The following STK26 variants were observed in gnomAD, a reference collection of about 807,000 sequenced individuals.
STK26 encodes serine/threonine-protein kinase 26.
In STK26, 14 loss-of-function variants were observed where a neutral mutation model predicts 34.7. The ratio of observed to expected loss-of-function variants is 0.40; its 90% confidence interval spans 0.27 to 0.63. The LOEUF is 0.63. STK26 is among the 30% of genes least tolerant of loss of function. STK26 has a pLI of 0.38. For synonymous variants in STK26, 100 were observed against 109.8 expected (o/e 0.91, Z 0.56); for missense variants, 226 against 309.1 (o/e 0.73, Z 2.02).
At chrX:132,042,525 C>T (rs1939359235) in intron 2 of STK26, among the ~76,000 whole-genome samples, 1 of 111,187 alleles carries the variant, frequency 9.0e-6, no homozygotes, top group South Asian at 3.8e-4. Flanking sequence ...CATACACACA[C>T]ACATACTTAC....
intron 2 of STK26, among the ~76,000 whole-genome samples, chrX:132,046,703 C>G (rs1926509078): frequency 9.0e-6 from 1 of 111,232 alleles, no homozygotes. Context: ...AGTGCTGTTG[C>G]CTCATTCGTC....
chrX:132,024,660 A>G (rs1003391710), intron 2 of STK26, among the ~76,000 whole-genome samples: 1 of 111,629 alleles, frequency 9.0e-6, no homozygotes. Context: ...TTGAAGTTCA[A>G]AAATAAAATG....
In STK26 at chrX:132,074,328, T is replaced by G; in HGVS notation, c.*169T>G. The G allele has an allele frequency of 2.4e-6, 1 of 423,843 alleles. No homozygotes were observed. 34.9% of individuals were successfully genotyped at this position (423,843 alleles called of 1,213,427 possible). On this transcript the variant is annotated 3_prime_UTR_variant, in exon 12 of 12. Transcript: ENST00000394334. ...TTTTGTGATGGCGTTTATCATTTTA[T>G]ATTTTGAAAGGATTATTTTGTAAGG... is the stretch of plus-strand genomic sequence containing the variant.
At chrX:132,050,297 T>C (rs1926641792) in intron 2 of STK26, among the ~76,000 whole-genome samples, 2 of 111,882 alleles carry the variant, frequency 1.8e-5, no homozygotes, top group African/African-American at 3.2e-5. Context: ...TAACCTATTA[T>C]AGGCCCTATC....
At chrX:132,062,397 A>G (rs1161523109) in intron 3 of STK26, among the ~76,000 whole-genome samples, 1 of 112,316 alleles carries the variant, frequency 8.9e-6, no homozygotes, top group African/African-American at 3.2e-5. Context: ...CTGTTTTAGA[A>G]TTTGTATACA....
chrX:132,026,732 T>TAAATGTTATG, intron 2 of STK26, among the ~76,000 whole-genome samples: 1 of 112,659 alleles, frequency 8.9e-6, no homozygotes, highest in African/African-American at 3.2e-5. Context: ...GTTAGAGTAC[T>TAAATGTTATG]AAATGTTATG....
At chrX:132,065,470 T>C (rs1324645760) in intron 4 of STK26, among the ~76,000 whole-genome samples, 1 of 111,899 alleles carries the variant, frequency 8.9e-6, no homozygotes, top group African/African-American at 3.2e-5. Context: ...CTGATAGCAA[T>C]GTTAAACAGT....
chrX:132,030,783 C>A (rs996950431), intron 2 of STK26, among the ~76,000 whole-genome samples: 1 of 110,968 alleles, frequency 9.0e-6, no homozygotes, highest in African/African-American at 3.3e-5. Context: ...AGAATTTCCA[C>A]CACAGGTACA....
intron 4 of STK26, 27 bp from the exon 5 acceptor site, chrX:132,068,188 A>ATG (rs778656011): frequency 3.7e-6 from 4 of 1,080,282 alleles, no homozygotes; most frequent in East Asian, 6.0e-5. Flanking sequence ...ACATATGTGT[A>ATG]TGTGTGTGTG....
chrX:132,063,541 T>C (rs1263068005), intron 4 of STK26, 52 bp downstream of exon 4: 1 of 1,073,113 alleles, frequency 9.3e-7, no homozygotes, highest in Admixed American at 2.5e-5. Flanking sequence ...CATATGCACA[T>C]ACCTTAATTT....
At chrX:132,052,803 C>G (rs921488005) in intron 2 of STK26, among the ~76,000 whole-genome samples, 15 of 112,097 alleles carry the variant, frequency 1.3e-4, no homozygotes, top group African/African-American at 4.5e-4. Flanking sequence ...TATGTATCTT[C>G]AAATAAATGA....
chrX:132,071,006 C>T, intron 7 of STK26, 63 bp from the exon 8 acceptor site: 2 of 1,072,033 alleles, frequency 1.9e-6, no homozygotes, highest in South Asian at 2.2e-5. Flanking sequence ...TTTTTTTTAC[C>T]ATTCCTTGTA....
chrX:132,035,412 G>A (rs985795423), intron 2 of STK26, among the ~76,000 whole-genome samples: 1 of 110,062 alleles, frequency 9.1e-6, no homozygotes, highest in African/African-American at 3.3e-5. Flanking sequence ...TTTATTGATT[G>A]ATTTAATTTT....
chrX:132,069,541 G>A lies in STK26; in HGVS notation c.661G>A (p.Asp221Asn), dbSNP rs768152859. 4.8e-5 allele frequency: 56 copies of A among 1,172,043 alleles called. No individual in the cohort carries two copies. The highest frequency in any genetic ancestry group is 4.7e-4 in the Middle Eastern group (2 of 4,237). ...ELAKGEPPNSDMHPMRVLFLI... is the reference protein window; with the variant it reads ...ELAKGEPPNSNMHPMRVLFLI... ...AGCCAAGGGAGAGCCACCTAACTCC[G>A]ATATGCATCCAATGAGAGTTCTGTT... is the stretch of plus-strand genomic sequence containing the variant. Residue 221 changes from aspartate to asparagine, a missense_variant, in exon 7 of 12, where the codon GAT (aspartate) becomes AAT (asparagine). Physicochemically the swap from Asp to Asn is conservative, Grantham distance 23. Coordinates refer to ENST00000394334, the MANE Select transcript of STK26 (RefSeq NM_016542.4).
intron 8 of STK26, among the ~76,000 whole-genome samples, chrX:132,071,896 T>C (rs1470807998): frequency 9.0e-6 from 1 of 111,696 alleles, no homozygotes; most frequent in Non-Finnish European, 1.9e-5. Flanking sequence ...ATAAAAAATA[T>C]CAGAATAATT....
Position 132,054,845 on chromosome X carries a change from A to G in STK26, c.257A>G (p.Tyr86Cys), listed in dbSNP as rs138637956. 8.4e-6 allele frequency: 10 copies of G among 1,196,145 alleles called. No homozygotes were observed. In the Middle Eastern group the frequency reaches 7.1e-4, roughly 85 times the overall value. Residue 86 changes from tyrosine to cysteine, a missense_variant, in exon 3 of 12, where the codon TAT becomes TGT. Physicochemically the swap from Tyr to Cys is radical, Grantham distance 194. Transcript: ENST00000394334. Reference sequence around the variant, plus strand: ...GACAGCTCATATGTAACAAAATACTATGGGTCATATTTAAAGGTAATGTGT... The same window carrying G: ...GACAGCTCATATGTAACAAAATACTGTGGGTCATATTTAAAGGTAATGTGT... ...QCDSSYVTKY[Y>C]GSYLKGSKLW...
chrX:132,035,498 G>A (rs1388461433), intron 2 of STK26, among the ~76,000 whole-genome samples: 1 of 107,567 alleles, frequency 9.3e-6, no homozygotes, highest in African/African-American at 3.4e-5. Context: ...TATTTTTATT[G>A]TTTTGGTCTG....
chrX:132,027,978 C>G (rs1158924091), intron 2 of STK26, among the ~76,000 whole-genome samples: 1 of 108,029 alleles, frequency 9.3e-6, no homozygotes, highest in Non-Finnish European at 1.9e-5. Context: ...ATCTCAGCCT[C>G]CAGAGCAGCT....
At chrX:132,065,775 A>G (rs1057174190) in intron 4 of STK26, among the ~76,000 whole-genome samples, 2 of 112,383 alleles carry the variant, frequency 1.8e-5, no homozygotes, top group African/African-American at 6.5e-5. Flanking sequence ...ATTTATTCAC[A>G]TGTTAAATGA....
Sources: allele counts gnomAD v4.1 joint callset (sites outside exome capture counted in the v4.1 genomes callset), GRCh38; gene constraint gnomAD v4.1.1; transcripts MANE v1.5; gene names NCBI Gene and HGNC (gene_info 2026-07-23, HGNC 2026-07-21).